CPEB4: variants seen among roughly 807,000 people sequenced by gnomAD.
CPEB4 encodes the protein cytoplasmic polyadenylation element binding protein 4, also known as cytoplasmic polyadenylation element-binding protein 4.
A neutral mutation model predicts 72.5 loss-of-function variants in CPEB4; 12 were observed. The observed-to-expected ratio is 0.17, with a 90% CI of 0.11 to 0.27. CPEB4 has a LOEUF of 0.27. Among genes scored for constraint, CPEB4 ranks in the 10% least tolerant of loss-of-function variants. The probability of loss-of-function intolerance (pLI) is 1.00; values close to 1 mark genes in which losing one functional copy is unlikely to be tolerated. For synonymous variants in CPEB4, 302 were observed against 326.3 expected, an observed-to-expected ratio of 0.93 and a Z score of 0.80; for missense variants, 614 against 908.5, an observed-to-expected ratio of 0.68 and a Z score of 4.17.
intron 1 of CPEB4, among the ~76,000 whole-genome samples, chr5:173,891,817 AG>A (rs1403103722): frequency 2.0e-5 from 3 of 152,202 alleles, no homozygotes; most frequent in Admixed American, 2.0e-4. Flanking sequence ...GAAATTTATA[AG>A]GGGTAAGAAT....
chr5:173,943,254 T>A (rs1484216459), intron 4 of CPEB4, among the ~76,000 whole-genome samples: 2 of 152,190 alleles, frequency 1.3e-5, no homozygotes, highest in Non-Finnish European at 2.9e-5. Context: ...ATGGTGGGAT[T>A]TGGATTTGAA....
In CPEB4 at chr5:173,951,833, C is replaced by A; in HGVS notation, c.1675C>A (p.Arg559=). Residue 559 remains arginine (R), a synonymous_variant, in exon 8 of 10, where the codon CGG becomes AGG. Coordinates refer to ENST00000265085, the MANE Select transcript of CPEB4 (RefSeq NM_030627.4). ...PTIKDKPVQI[R]PWNLSDSDFV... ...TTTGTACATTCCCTAGGTCCAGATT[C>A]GGCCTTGGAATCTCAGTGACAGTGA... The A allele has an allele frequency of 1.2e-6, 2 of 1,610,170 alleles. No homozygotes were observed. Among genetic ancestry groups the A allele is most frequent in the Non-Finnish European group, 1.7e-6 (2 of 1,176,458 alleles).
rs1486868460 is a variant in CPEB4 at position 173,958,929 on chromosome 5, A to G, written c.*2792A>G. 1.3e-5 allele frequency: 2 copies of G among 152,758 alleles called. No homozygotes were observed. The highest frequency in any genetic ancestry group is 4.8e-5 in the African/African-American group (2 of 41,458). 9.5% of individuals were successfully genotyped at this position (152,758 alleles called of 1,614,324 possible). A position where few individuals can be genotyped will look rare whatever the true frequency, so the allele number is the denominator to read the frequency against. On this transcript the variant is annotated 3_prime_UTR_variant, in exon 10 of 10. Transcript: ENST00000265085. ...GGACAGGTGTGTAATGTTAGTGTGCATGACTAATGTAAGAAATTGTTATTC... is the reference window on the plus strand; with the variant it reads ...GGACAGGTGTGTAATGTTAGTGTGCGTGACTAATGTAAGAAATTGTTATTC...
In CPEB4 at chr5:173,958,823, T is replaced by C. The variant is rs1450834419; in HGVS notation, c.*2686T>C. On this transcript the variant is annotated 3_prime_UTR_variant, in exon 10 of 10. Transcript: ENST00000265085. The stretch of plus-strand genomic sequence containing the variant: ...GTGAATGTTTAGCCATTTTTAATAT[T>C]AATAAATTGATGTTAAGTGTTTGAT... 1.3e-5 allele frequency: 2 copies of C among 152,668 alleles called. No individual in the cohort carries two copies. The highest frequency in any genetic ancestry group is 2.9e-5 in the Non-Finnish European group (2 of 68,016). 9.5% of individuals were successfully genotyped at this position (152,668 alleles called of 1,614,324 possible).
intron 1 of CPEB4, among the ~76,000 whole-genome samples, chr5:173,904,822 T>C (rs1019831129): frequency 6.6e-6 from 1 of 151,820 alleles, no homozygotes; most frequent in Admixed American, 6.6e-5. Flanking sequence ...ATAGGAGTAA[T>C]AGGCTGGGTA....
At chr5:173,931,413 T>C (rs948218265) in intron 2 of CPEB4, among the ~76,000 whole-genome samples, 1 of 152,220 alleles carries the variant, frequency 6.6e-6, no homozygotes, top group Non-Finnish European at 1.5e-5. Flanking sequence ...ATGTTTGTAG[T>C]TCCGAGTCAC....
chr5:173,936,064 G>A (rs536672248), intron 3 of CPEB4, among the ~76,000 whole-genome samples: 2 of 152,256 alleles, frequency 1.3e-5, no homozygotes, highest in Non-Finnish European at 2.9e-5. Context: ...TAGTTGTAGA[G>A]ATTTTTTTGA....
At chr5:173,895,975 A>G (rs1181030387) in intron 1 of CPEB4, among the ~76,000 whole-genome samples, 1 of 152,242 alleles carries the variant, frequency 6.6e-6, no homozygotes, top group East Asian at 1.9e-4. Context: ...GAAAGATGCT[A>G]CTTAGCTCAT....
intron 2 of CPEB4, among the ~76,000 whole-genome samples, chr5:173,923,549 A>G (rs1757142498): frequency 6.6e-6 from 1 of 152,156 alleles, no homozygotes; most frequent in African/African-American, 2.4e-5. Context: ...CTTTTAATAT[A>G]TGTCTCTTGT....
Position 173,910,586 on chromosome 5 carries a change from GA to G in CPEB4, c.1193del (p.Asn398MetfsTer8). 6.2e-7 allele frequency: 1 copy of G among 1,605,816 alleles called. No homozygotes were observed. Among genetic ancestry groups the G allele is most frequent in the Non-Finnish European group, 8.5e-7 (1 of 1,172,526 alleles). ...TTCACTCATTGACATAATGAGAGCT[GA>G]AAATGATACCATTAAAGGTAAGTTT... ...ESSLIDIMRAENDTIKGRLNY... is the reference protein window; with the variant it reads ...ESSLIDIMRAXNDTIKGRLNY... On this transcript the variant is annotated frameshift_variant, in exon 2 of 10. Coordinates refer to ENST00000265085, the MANE Select transcript of CPEB4 (RefSeq NM_030627.4). LOFTEE classifies it high-confidence loss of function.
chr5:173,930,774 G>T (rs994043444), intron 2 of CPEB4, among the ~76,000 whole-genome samples: 4 of 151,928 alleles, frequency 2.6e-5, no homozygotes, highest in African/African-American at 9.7e-5. Flanking sequence ...GGATCACAAG[G>T]TCAGGAGATT....
At chr5:173,947,738 G>C (rs184747020) in intron 5 of CPEB4, among the ~76,000 whole-genome samples, 1 of 152,174 alleles carries the variant, frequency 6.6e-6, no homozygotes, top group African/African-American at 2.4e-5. Flanking sequence ...TTATTTCCTA[G>C]CTTCCTTCAC....
chr5:173,889,706 T>C lies in CPEB4; in HGVS notation c.-28T>C. ...GAGACATCAGGTTGTCATTTTTTAT[T>C]GTGAGATTCTGCTCCTAAAGATAAT... On this transcript the variant is annotated 5_prime_UTR_variant, in exon 1 of 10. Coordinates refer to ENST00000265085, the MANE Select transcript of CPEB4 (RefSeq NM_030627.4). 6.6e-7 allele frequency: 1 copy of C among 1,524,302 alleles called. No homozygotes were observed. Among genetic ancestry groups the C allele is most frequent in the Non-Finnish European group, 8.8e-7 (1 of 1,136,256 alleles). 94.4% of individuals were successfully genotyped at this position (1,524,302 alleles called of 1,614,324 possible). A position where few individuals can be genotyped will look rare whatever the true frequency, so the allele number is the denominator to read the frequency against.
intron 2 of CPEB4, among the ~76,000 whole-genome samples, chr5:173,921,362 A>G (rs1156957666): frequency 1.3e-5 from 2 of 152,114 alleles, no homozygotes; most frequent in Non-Finnish European, 2.9e-5. Flanking sequence ...TCTGCTTTAT[A>G]CTCTTGCCAT....
At position 173,890,370 on chromosome 5, in the gene CPEB4, C is replaced by T. The variant is rs1273279105; in HGVS notation, c.637C>T (p.His213Tyr). ...TCTGTTGTTTCAAAATTTCCCCCAT[C>T]ATGTCAGCCCTGGCTTTGGAGGCAG... ...GALLFQNFPH[H>Y]VSPGFGGSFS... Residue 213 changes from histidine to tyrosine, a missense_variant, in exon 1 of 10, where the codon CAT (histidine) becomes TAT (tyrosine). Physicochemically the swap from His to Tyr is moderately conservative, Grantham distance 83 (BLOSUM62 2). Coordinates refer to ENST00000265085, the MANE Select transcript of CPEB4 (RefSeq NM_030627.4). 3 of 1,614,152 alleles carry T rather than the reference C, an allele frequency of 1.9e-6. No homozygotes were observed. Among genetic ancestry groups the T allele is most frequent in the Non-Finnish European group, 2.5e-6 (3 of 1,180,026 alleles).
At chr5:173,925,299 C>G (rs1757205879) in intron 2 of CPEB4, among the ~76,000 whole-genome samples, 1 of 152,078 alleles carries the variant, frequency 6.6e-6, no homozygotes, top group Admixed American at 6.6e-5. Context: ...AGCCTAAACT[C>G]TGTGTGTTTA....
chr5:173,955,990 A>G lies in CPEB4; in HGVS notation c.2043A>G (p.Pro681=), dbSNP rs749807205. The change falls in exon 10 of 10, where the codon CCA becomes CCG. Residue 681 remains proline, a synonymous_variant. Transcript: ENST00000265085. This position sits in a 1 kb window ranked among gnomAD's most constrained non-coding sequence, Gnocchi z 4.7. ...QGARCGGKFA[P]FFCANVTCLQ... The stretch of plus-strand genomic sequence containing the variant: ...CCCGTTGTGGGGGGAAATTTGCTCC[A>G]TTTTTCTGTGCTAATGTTACCTGTC... The G allele has an allele frequency of 1.2e-6, 2 of 1,613,790 alleles. No individual in the cohort carries two copies. Among genetic ancestry groups the G allele is most frequent in the Non-Finnish European group, 1.7e-6 (2 of 1,179,988 alleles).
intron 3 of CPEB4, among the ~76,000 whole-genome samples, chr5:173,941,022 T>G (rs1156803657): frequency 1.3e-5 from 2 of 152,208 alleles, no homozygotes; most frequent in Non-Finnish European, 2.9e-5. Flanking sequence ...ATTCCGGAAA[T>G]TATTTATTTT....
At chr5:173,902,047 C>T (rs1431996157) in intron 1 of CPEB4, among the ~76,000 whole-genome samples, 2 of 152,106 alleles carry the variant, frequency 1.3e-5, no homozygotes, top group African/African-American at 2.4e-5. Flanking sequence ...ATAGTCCACT[C>T]TTGATGATCT....
Sources: allele counts gnomAD v4.1 joint callset (sites outside exome capture counted in the v4.1 genomes callset), GRCh38; gene constraint gnomAD v4.1.1; non-coding constraint Gnocchi (gnomAD v3.1); transcripts MANE v1.5; gene names NCBI Gene and HGNC (gene_info 2026-07-23, HGNC 2026-07-21).